Variants in PRF1 observed in about 807,000 individuals in gnomAD.
PRF1 encodes perforin-1.
In PRF1, 11 loss-of-function variants were observed where a neutral mutation model predicts 11.7. The ratio of observed to expected loss-of-function variants is 0.94; its 90% CI spans 0.59 to 1.56. The LOEUF is 1.56. PRF1 is among the 40% of genes most tolerant of loss of function. PRF1 has a pLI of 0.00. For missense variants in PRF1, 729 were observed against 751.0 expected, an observed-to-expected ratio of 0.97 and a Z score of 0.34; for synonymous variants, 314 against 327.8, an observed-to-expected ratio of 0.96 and a Z score of 0.45.
chr10:70,600,924 A>G lies in PRF1; in HGVS notation c.-22T>C. ...CCATGGAGCTGCAGAGACAGGGGGC[A>G]CTTGGGCTCTGGGAAGCCATGGGTG... On this transcript the variant is annotated 5_prime_UTR_variant, in exon 2 of 3. Coordinates refer to ENST00000441259, the MANE Select transcript of PRF1 (RefSeq NM_001083116.3). The surrounding 1 kb of genome is among the most constrained non-coding windows in gnomAD (Gnocchi z 4.9). 1 of 1,564,520 alleles carries G rather than the reference A, an allele frequency of 6.4e-7. No individual in the cohort carries two copies. Among genetic ancestry groups the G allele is most frequent in the Non-Finnish European group, 8.6e-7 (1 of 1,156,120 alleles).
intron 2 of PRF1, 48 bp from the exon 3 acceptor site, chr10:70,599,229 C>T (rs1376471087): frequency 7.5e-6 from 12 of 1,605,490 alleles, no homozygotes; most frequent in Non-Finnish European, 1.0e-5. Context: ...GTATTTCCCC[C>T]ATTCAATCAA....
chr10:70,601,869 G>A (rs1026121817), intron 1 of PRF1, among the ~76,000 whole-genome samples: 9 of 64,830 alleles, frequency 1.4e-4, no homozygotes, highest in African/African-American at 4.5e-4. Context: ...CCACACCCTT[G>A]GATTTTGTGT....
In PRF1 at chr10:70,598,943, C is replaced by G. The variant is rs746889280; in HGVS notation, c.778G>C (p.Val260Leu). 1 of 1,614,246 alleles carries G rather than the reference C, an allele frequency of 6.2e-7. No homozygotes were observed. Among genetic ancestry groups the G allele is most frequent in the Non-Finnish European group, 8.5e-7 (1 of 1,180,038 alleles). The change falls in exon 3 of 3, where the codon GTC (valine) becomes CTC (leucine). Residue 260 changes from valine to leucine, a missense_variant. Transcript: ENST00000441259. ...TDNEVEDCLT[V>L]EAQVNIGIHG... ...ATGCCTATGTTGACCTGGGCCTCGA[C>G]AGTCAGGCAGTCCTCCACCTCGTTG...
chr10:70,598,839 T>A lies in PRF1; in HGVS notation c.882A>T (p.Gln294His). The change falls in exon 3 of 3, where the codon CAA (glutamine) becomes CAT (histidine). Residue 294 changes from glutamine to histidine, a missense_variant. Coordinates refer to ENST00000441259, the MANE Select transcript of PRF1 (RefSeq NM_001083116.3). ...KKHKMTASFH[Q>H]TYRERHSEVV... is the part of the protein sequence containing the mutation. ...CTTCCGAGTGGCGCTCCCGGTAGGT[T>A]TGGTGGAAGGAGGCCGTCATCTTGT... 1 of 1,614,200 alleles carries A rather than the reference T, an allele frequency of 6.2e-7. No homozygotes were observed. The highest frequency in any genetic ancestry group is 8.5e-7 in the Non-Finnish European group (1 of 1,180,030).
rs1401139693 is a variant in PRF1 at position 70,598,951 on chromosome 10, C to T, written c.770G>A (p.Cys257Tyr). 6.2e-7 allele frequency: 1 copy of T among 1,614,266 alleles called. No homozygotes were observed. Among genetic ancestry groups the T allele is most frequent in the South Asian group, 1.1e-5 (1 of 91,084 alleles). Reference sequence around the variant, plus strand: ...GTTGACCTGGGCCTCGACAGTCAGGCAGTCCTCCACCTCGTTGTCCGTGAG... The same window carrying T: ...GTTGACCTGGGCCTCGACAGTCAGGTAGTCCTCCACCTCGTTGTCCGTGAG... ...EGLTDNEVED[C>Y]LTVEAQVNIG... The change falls in exon 3 of 3, where the codon TGC becomes TAC. Residue 257 changes from cysteine (C) to tyrosine (Y), a missense_variant. Cys to Tyr is a radical substitution (Grantham distance 194, BLOSUM62 -2). Coordinates refer to ENST00000441259, the MANE Select transcript of PRF1 (RefSeq NM_001083116.3).
rs1178400657 is a variant in PRF1 at position 70,598,578 on chromosome 10, G to T, written c.1143C>A (p.Cys381Ter). 1 of 1,612,336 alleles carries T rather than the reference G, an allele frequency of 6.2e-7. No homozygotes were observed. The highest frequency in any genetic ancestry group is 1.3e-5 in the African/African-American group (1 of 74,922). ...GGGGGCTCTTCTGCCGCCCTGGTGGGCACGGCCGGCTGCAGTCCCTCCAGC... is the reference window on the plus strand; with the variant it reads ...GGGGGCTCTTCTGCCGCCCTGGTGGTCACGGCCGGCTGCAGTCCCTCCAGC... ...RARWRDCSRPCPPGRQKSPRD... is the reference protein window; with the variant it reads ...RARWRDCSRP Residue 381 changes from cysteine (C) to a stop codon, truncating the protein, a stop_gained, in exon 3 of 3, where the codon TGC becomes TGA. Coordinates refer to ENST00000441259, the MANE Select transcript of PRF1 (RefSeq NM_001083116.3). LOFTEE classifies it low-confidence loss of function (END_TRUNC).
Position 70,598,293 on chromosome 10 carries a change from C to G in PRF1, c.1428G>C (p.Gly476=). Residue 476 remains glycine, a synonymous_variant, in exon 3 of 3, where the codon GGG becomes GGC. Transcript: ENST00000441259. ...DFGDVLLATG[G]PLRLQVWDQD... is the part of the protein sequence containing the mutation. ...GATCCCAGACCTGCAACCTCAGGGG[C>G]CCCCCTGTGGCCAGGAGCACATCCC... The G allele has an allele frequency of 1.2e-6, 2 of 1,614,124 alleles. No homozygotes were observed. The highest frequency in any genetic ancestry group is 1.7e-6 in the Non-Finnish European group (2 of 1,180,000).
At position 70,597,887 on chromosome 10, in the gene PRF1, A is replaced by C; in HGVS notation, c.*166T>G. 2 of 804,754 alleles carry C rather than the reference A, an allele frequency of 2.5e-6. No individual in the cohort carries two copies. The highest frequency in any genetic ancestry group is 1.6e-5 in the South Asian group (1 of 62,460). The allele number at this position is 804,754 out of a possible 1,614,324, so 49.9% of individuals were successfully genotyped here. A position where few individuals can be genotyped will look rare whatever the true frequency, so the allele number is the denominator to read the frequency against. On this transcript the variant is annotated 3_prime_UTR_variant, in exon 3 of 3. Coordinates refer to ENST00000441259, the MANE Select transcript of PRF1 (RefSeq NM_001083116.3). ...GCAAAAAGAAACTCATAATGTTTTA[A>C]GAAAGTTTGCGAATTTGCGTTGGGC...
chr10:70,598,560 C>T lies in PRF1; in HGVS notation c.1161G>A (p.Lys387=), dbSNP rs2132475597. The T allele has an allele frequency of 6.2e-7, 1 of 1,612,920 alleles. No individual in the cohort carries two copies. Among genetic ancestry groups the T allele is most frequent in the Non-Finnish European group, 8.5e-7 (1 of 1,179,802 alleles). ...CACACTGGCATGGGTCTCGGGGGCT[C>T]TTCTGCCGCCCTGGTGGGCACGGCC... is the stretch of plus-strand genomic sequence containing the variant. ...CSRPCPPGRQ[K]SPRDPCQCVC... The change falls in exon 3 of 3, where the codon AAG becomes AAA. Residue 387 remains lysine (K), a synonymous_variant. Coordinates refer to ENST00000441259, the MANE Select transcript of PRF1 (RefSeq NM_001083116.3).
intron 1 of PRF1, among the ~76,000 whole-genome samples, chr10:70,602,400 T>C (rs1250733851): frequency 6.6e-6 from 1 of 152,126 alleles, no homozygotes; most frequent in Non-Finnish European, 1.5e-5. Flanking sequence ...AGGGAGCCTC[T>C]TTCCAGCTTT....
chr10:70,597,569 C>T lies in PRF1; in HGVS notation c.*484G>A, dbSNP rs1191735863. 8.6e-6 allele frequency: 4 copies of T among 465,662 alleles called. No individual in the cohort carries two copies. The highest frequency in any genetic ancestry group is 1.5e-5 in the Non-Finnish European group (4 of 268,994). The allele number at this position is 465,662 out of a possible 1,614,324, so 28.8% of individuals were successfully genotyped here. On this transcript the variant is annotated 3_prime_UTR_variant, in exon 3 of 3. Transcript: ENST00000441259. ...CCAGCCCTGAGCAGCCTGGTGGGAA[C>T]AGCCTCTTGGCCTTCTGCCCAGCTC...
Position 70,600,939 on chromosome 10 carries a change from A to G in PRF1, c.-30-7T>C. The G allele has an allele frequency of 6.4e-7, 1 of 1,553,894 alleles. No homozygotes were observed. On this transcript the variant is annotated splice_region_variant and splice_polypyrimidine_tract_variant and intron_variant, in intron 1 of 2. Coordinates refer to ENST00000441259, the MANE Select transcript of PRF1 (RefSeq NM_001083116.3). The surrounding 1 kb of genome is among the most constrained non-coding windows in gnomAD (Gnocchi z 4.9). ...GACAGGGGGCACTTGGGCTCTGGGA[A>G]GCCATGGGTGGAGGGATGGAGGATG...
Position 70,599,036 on chromosome 10 carries a change from G to C in PRF1, c.685C>G (p.Leu229Val). 1 of 1,613,534 alleles carries C rather than the reference G, an allele frequency of 6.2e-7. No individual in the cohort carries two copies. Among genetic ancestry groups the C allele is most frequent in the South Asian group, 1.1e-5 (1 of 91,066 alleles). Residue 229 changes from leucine to valine, a missense_variant, in exon 3 of 3, where the codon CTG becomes GTG. Physicochemically the swap from Leu to Val is conservative, Grantham distance 32 (BLOSUM62 1). Coordinates refer to ENST00000441259, the MANE Select transcript of PRF1 (RefSeq NM_001083116.3). The part of the protein sequence containing the change: ...YGTHFIRAVE[L>V]GGRISALTAL... ...GTGAGGGCCGATATGCGGCCACCCAGCTCCACAGCCCGGATGAAGTGGGTG... is the reference window on the plus strand; with the variant it reads ...GTGAGGGCCGATATGCGGCCACCCACCTCCACAGCCCGGATGAAGTGGGTG...
rs754180700 is a variant in PRF1, at chr10:70,600,385, G to T, written c.518C>A (p.Thr173Lys). 3.7e-6 allele frequency: 6 copies of T among 1,614,096 alleles called. No homozygotes were observed. The highest frequency in any genetic ancestry group is 4.2e-6 in the Non-Finnish European group (5 of 1,180,022). Residue 173 changes from threonine (T) to lysine (K), a missense_variant, in exon 2 of 3, where the codon ACG becomes AAG. By Grantham distance (78) the Thr-to-Lys change is moderately conservative. Transcript: ENST00000441259. The surrounding 1 kb of genome is among the most constrained non-coding windows in gnomAD (Gnocchi z 4.9). Reference protein sequence around the residue: ...HQDQYSFSTDTVECRFYSFHV... With the variant: ...HQDQYSFSTDKVECRFYSFHV... ...TCACCTGTAGAAGCGGCACTCCACC[G>T]TGTCAGTGCTGAAGCTGTACTGGTC...
In PRF1 at chr10:70,597,700, C is replaced by A. The variant is rs1848144072; in HGVS notation, c.*353G>T. On this transcript the variant is annotated 3_prime_UTR_variant, in exon 3 of 3. Coordinates refer to ENST00000441259, the MANE Select transcript of PRF1 (RefSeq NM_001083116.3). Reference sequence around the variant, plus strand: ...ATCGGGATTAGCGTGTAAACCCAGCCACCTCCCTGAAAAACAGTCTGAATC... The same window carrying A: ...ATCGGGATTAGCGTGTAAACCCAGCAACCTCCCTGAAAAACAGTCTGAATC... The A allele has an allele frequency of 3.4e-6, 2 of 595,550 alleles. No individual in the cohort carries two copies. The highest frequency in any genetic ancestry group is 3.1e-5 in the Admixed American group (1 of 32,702). 36.9% of individuals were successfully genotyped at this position (595,550 alleles called of 1,614,324 possible).
Position 70,599,113 on chromosome 10 carries a change from T to C in PRF1, c.608A>G (p.His203Arg). The C allele has an allele frequency of 6.2e-7, 1 of 1,614,032 alleles. No individual in the cohort carries two copies. Among genetic ancestry groups the C allele is most frequent in the Non-Finnish European group, 8.5e-7 (1 of 1,179,982 alleles). Reference sequence around the variant, plus strand: ...GGCGGGCTGGGTGGAGGCGTTGAAGTGGTGGGGCAGGTCCCCGAGGGCCCT... The same window carrying C: ...GGCGGGCTGGGTGGAGGCGTTGAAGCGGTGGGGCAGGTCCCCGAGGGCCCT... ...FKRALGDLPH[H>R]FNASTQPAYL... Residue 203 changes from histidine (H) to arginine (R), a missense_variant, in exon 3 of 3, where the codon CAC becomes CGC. Transcript: ENST00000441259.
rs1848223158 is a variant in PRF1, at chr10:70,600,982, C to A, written c.-30-50G>T. On this transcript the variant is annotated intron_variant, in intron 1 of 2. Coordinates refer to ENST00000441259, the MANE Select transcript of PRF1 (RefSeq NM_001083116.3). This position sits in a 1 kb window ranked among gnomAD's most constrained non-coding sequence, Gnocchi z 4.9. Reference sequence around the variant, plus strand: ...GGAGGATGACTGCTCCCTTCCCCCACAGCCACAGATTATCAGGGCACATGG... The same window carrying A: ...GGAGGATGACTGCTCCCTTCCCCCAAAGCCACAGATTATCAGGGCACATGG... 4 of 1,534,742 alleles carry A rather than the reference C, an allele frequency of 2.6e-6. No individual in the cohort carries two copies. In the South Asian group the frequency reaches 4.8e-5, roughly 18 times the overall value.
Position 70,598,837 on chromosome 10 carries a change from G to A in PRF1, c.884C>T (p.Thr295Ile), listed in dbSNP as rs994119457. Residue 295 changes from threonine (T) to isoleucine (I), a missense_variant, in exon 3 of 3, where the codon ACC becomes ATC. By Grantham distance (89) the Thr-to-Ile change is moderately conservative. Transcript: ENST00000441259. ...CACTTCCGAGTGGCGCTCCCGGTAGGTTTGGTGGAAGGAGGCCGTCATCTT... is the reference window on the plus strand; with the variant it reads ...CACTTCCGAGTGGCGCTCCCGGTAGATTTGGTGGAAGGAGGCCGTCATCTT... ...KHKMTASFHQ[T>I]YRERHSEVVG... 3.7e-6 allele frequency: 6 copies of A among 1,614,138 alleles called. No homozygotes were observed. In the African/African-American group the frequency reaches 8.0e-5, roughly 22 times the overall value.
At chr10:70,601,896 G>T (rs1016004528) in intron 1 of PRF1, among the ~76,000 whole-genome samples, 1 of 151,104 alleles carries the variant, frequency 6.6e-6, no homozygotes, top group Non-Finnish European at 1.5e-5. Flanking sequence ...AGGCCTCGAT[G>T]GTTGCTCTTC....
Sources: gnomAD v4.1 joint callset for allele counts (sites outside exome capture counted in the v4.1 genomes callset) on GRCh38, gnomAD v4.1.1 for gene constraint, Gnocchi (gnomAD v3.1) non-coding constraint, MANE v1.5 for transcripts, NCBI Gene and HGNC (gene_info 2026-07-23, HGNC 2026-07-21) for gene names.